The following BOD1L2 variants were observed in gnomAD, a reference collection of about 807,000 sequenced individuals.
BOD1L2 encodes the protein biorientation of chromosomes in cell division protein 1-like 2.
BOD1L2 carries 6 observed loss-of-function variants against 5.3 expected under a neutral mutation model. The ratio of observed to expected loss-of-function variants is 1.14; its 90% confidence interval spans 0.62 to 2.25. The LOEUF is 2.25. Among genes scored for constraint, BOD1L2 ranks in the 30% most tolerant of loss-of-function variants. The probability of loss-of-function intolerance (pLI) is 0.00; values close to 1 mark genes in which losing one functional copy is unlikely to be tolerated. For synonymous variants in BOD1L2, 96 were observed against 96.3 expected, an observed-to-expected ratio of 1.00 and a Z score of 0.02; for missense variants, 210 against 227.2, an observed-to-expected ratio of 0.92 and a Z score of 0.49.
chr18:57,148,378 C>A lies in BOD1L2; in HGVS notation c.*547C>A, dbSNP rs2048938647. The A allele has an allele frequency of 6.5e-6, 1 of 153,024 alleles. No individual in the cohort carries two copies. 9.5% of individuals were successfully genotyped at this position (153,024 alleles called of 1,614,324 possible). A position where few individuals can be genotyped will look rare whatever the true frequency, so the allele number is the denominator to read the frequency against. Reference sequence around the variant, plus strand: ...TGTGACCTTCTTGTACATGAATCTTCTAGCCAGTTTCCTTTCCTTTGTAAG... The same window carrying A: ...TGTGACCTTCTTGTACATGAATCTTATAGCCAGTTTCCTTTCCTTTGTAAG... On this transcript the variant is annotated 3_prime_UTR_variant, in exon 1 of 1. Transcript: ENST00000585477.
In BOD1L2 at chr18:57,150,246, G is replaced by A. The variant is rs2048947773; in HGVS notation, c.*2415G>A. 6.6e-6 allele frequency: 1 copy of A among 152,164 alleles called. No homozygotes were observed. The highest frequency in any genetic ancestry group is 2.4e-5 in the African/African-American group (1 of 41,412). 9.4% of individuals were successfully genotyped at this position (152,164 alleles called of 1,614,324 possible). ...GCAAATGGAAAATGCTAACCTATGCGATGGACACTGCTGTATTCTGAAAAT... is the reference window on the plus strand; with the variant it reads ...GCAAATGGAAAATGCTAACCTATGCAATGGACACTGCTGTATTCTGAAAAT... On this transcript the variant is annotated 3_prime_UTR_variant, in exon 1 of 1. Coordinates refer to ENST00000585477, the MANE Select transcript of BOD1L2 (RefSeq NM_001257964.2).
chr18:57,147,716 A>T lies in BOD1L2; in HGVS notation c.404A>T (p.Gln135Leu). ...AAACTAAACCACATCTTCAGGCCAC[A>T]AATAGAACAAATAATTCATGAATTC... Reference protein sequence around the residue: ...DPKLNHIFRPQIEQIIHEFLV... With the variant: ...DPKLNHIFRPLIEQIIHEFLV... The change falls in exon 1 of 1, where the codon CAA becomes CTA. Residue 135 changes from glutamine to leucine, a missense_variant. Physicochemically the swap from Gln to Leu is moderately radical, Grantham distance 113. Transcript: ENST00000585477. 1 of 1,613,876 alleles carries T rather than the reference A, an allele frequency of 6.2e-7. No individual in the cohort carries two copies. The highest frequency in any genetic ancestry group is 8.5e-7 in the Non-Finnish European group (1 of 1,180,022).
Position 57,147,762 on chromosome 18 carries a change from A to C in BOD1L2, c.450A>C (p.Ala150=). 1 of 1,613,902 alleles carries C rather than the reference A, an allele frequency of 6.2e-7. No individual in the cohort carries two copies. Among genetic ancestry groups the C allele is most frequent in the Non-Finnish European group, 8.5e-7 (1 of 1,180,026 alleles). The part of the protein sequence containing the change: ...IHEFLVAQKE[A]AVPALPPEPE... ...AATTCCTGGTGGCCCAGAAAGAAGC[A>C]GCTGTGCCAGCACTCCCTCCAGAGC... is the stretch of plus-strand genomic sequence containing the variant. Residue 150 remains alanine (A), a synonymous_variant, in exon 1 of 1, where the codon GCA becomes GCC. Transcript: ENST00000585477.
In BOD1L2 at chr18:57,147,820, G is replaced by A. The variant is rs79824485; in HGVS notation, c.508G>A (p.Asp170Asn). The change falls in exon 1 of 1, where the codon GAC becomes AAC. Residue 170 changes from aspartate to asparagine, a missense_variant. Coordinates refer to ENST00000585477, the MANE Select transcript of BOD1L2 (RefSeq NM_001257964.2). ...EGQDPPAPSQ[D>N]TS ...CCAGGACCCTCCAGCTCCGTCTCAG[G>A]ACACTTCCTAAGAATATGCCTGACA... 528 of 1,608,056 alleles carry A rather than the reference G, an allele frequency of 3.3e-4. 1 individual carries two copies. The African/African-American group carries it at 5.7e-3, about 17-fold the overall frequency.
chr18:57,147,701 A>C lies in BOD1L2; in HGVS notation c.389A>C (p.His130Pro). The C allele has an allele frequency of 6.2e-7, 1 of 1,613,800 alleles. No individual in the cohort carries two copies. Among genetic ancestry groups the C allele is most frequent in the Non-Finnish European group, 8.5e-7 (1 of 1,180,028 alleles). The change falls in exon 1 of 1, where the codon CAC becomes CCC. Residue 130 changes from histidine to proline, a missense_variant. Transcript: ENST00000585477. ...CAGGTGGTGGATCCAAAACTAAACCACATCTTCAGGCCACAAATAGAACAA... is the reference window on the plus strand; with the variant it reads ...CAGGTGGTGGATCCAAAACTAAACCCCATCTTCAGGCCACAAATAGAACAA... ...SSQVVDPKLN[H>P]IFRPQIEQII...
rs2048946543 is a variant in BOD1L2, at chr18:57,149,927, T to G, written c.*2096T>G. On this transcript the variant is annotated 3_prime_UTR_variant, in exon 1 of 1. Coordinates refer to ENST00000585477, the MANE Select transcript of BOD1L2 (RefSeq NM_001257964.2). ...TCTTTTTAAAAATAACGTAATAAAG[T>G]GTAATACAACTTTTAAAGTTTTTTT... 2 of 152,050 alleles carry G rather than the reference T, an allele frequency of 1.3e-5. No homozygotes were observed. The highest frequency in any genetic ancestry group is 4.8e-5 in the African/African-American group (2 of 41,356). 9.4% of individuals were successfully genotyped at this position (152,050 alleles called of 1,614,324 possible). A position where few individuals can be genotyped will look rare whatever the true frequency, so the allele number is the denominator to read the frequency against.
chr18:57,148,030 G>A lies in BOD1L2; in HGVS notation c.*199G>A, dbSNP rs2048936056. ...AGAAAGTTGACCGTGGCACCCTCCT[G>A]CATTGCGCTGCCATTTGGCCAGCCT... On this transcript the variant is annotated 3_prime_UTR_variant, in exon 1 of 1. Coordinates refer to ENST00000585477, the MANE Select transcript of BOD1L2 (RefSeq NM_001257964.2). 7.0e-6 allele frequency: 4 copies of A among 571,092 alleles called. No individual in the cohort carries two copies. The highest frequency in any genetic ancestry group is 1.2e-5 in the Non-Finnish European group (4 of 333,762). The allele number at this position is 571,092 out of a possible 1,614,324, so 35.4% of individuals were successfully genotyped here.
In BOD1L2 at chr18:57,147,460, G is replaced by T; in HGVS notation, c.148G>T (p.Gly50Cys). 6.4e-7 allele frequency: 1 copy of T among 1,554,870 alleles called. No homozygotes were observed. Reference sequence around the variant, plus strand: ...CATCGTGGGGCAGCTCAAGAGCAGGGGCCTTTTTGACAGCTTCCGCCGGGA... The same window carrying T: ...CATCGTGGGGCAGCTCAAGAGCAGGTGCCTTTTTGACAGCTTCCGCCGGGA... ...AIIVGQLKSR[G>C]LFDSFRRDCK... Residue 50 changes from glycine (G) to cysteine (C), a missense_variant, in exon 1 of 1, where the codon GGC (glycine) becomes TGC (cysteine). Transcript: ENST00000585477.
At position 57,147,628 on chromosome 18, in the gene BOD1L2, G is replaced by T; in HGVS notation, c.316G>T (p.Val106Leu). Residue 106 changes from valine to leucine, a missense_variant, in exon 1 of 1, where the codon GTG becomes TTG. Coordinates refer to ENST00000585477, the MANE Select transcript of BOD1L2 (RefSeq NM_001257964.2). ...NQLHDGLRQSVVQSGRSEAGV... is the reference protein window; with the variant it reads ...NQLHDGLRQSLVQSGRSEAGV... ...ACTGCACGATGGTCTGAGGCAGAGT[G>T]TGGTTCAGTCAGGGAGGTCAGAAGC... The T allele has an allele frequency of 6.2e-7, 1 of 1,613,322 alleles. No homozygotes were observed. Among genetic ancestry groups the T allele is most frequent in the Non-Finnish European group, 8.5e-7 (1 of 1,180,046 alleles).
In BOD1L2 at chr18:57,147,847, C is replaced by G. The variant is rs748713211; in HGVS notation, c.*16C>G. The G allele has an allele frequency of 1.4e-5, 22 of 1,570,824 alleles. No homozygotes were observed. The Admixed American group carries it at 3.8e-4, about 27-fold the overall frequency. ...CACTTCCTAAGAATATGCCTGACAG[C>G]TTTTGAAAGCGCTATTTAATTTTTG... is the stretch of plus-strand genomic sequence containing the variant. On this transcript the variant is annotated 3_prime_UTR_variant, in exon 1 of 1. Coordinates refer to ENST00000585477, the MANE Select transcript of BOD1L2 (RefSeq NM_001257964.2).
Position 57,147,714 on chromosome 18 carries a change from A to G in BOD1L2, c.402A>G (p.Pro134=), listed in dbSNP as rs750684677. ...CAAAACTAAACCACATCTTCAGGCC[A>G]CAAATAGAACAAATAATTCATGAAT... is the stretch of plus-strand genomic sequence containing the variant. The part of the protein sequence containing the change: ...VDPKLNHIFR[P]QIEQIIHEFL... Residue 134 remains proline (P), a synonymous_variant, in exon 1 of 1, where the codon CCA becomes CCG. Transcript: ENST00000585477. 3 of 1,613,738 alleles carry G rather than the reference A, an allele frequency of 1.9e-6. No individual in the cohort carries two copies. In the African/African-American group the frequency reaches 4.0e-5, roughly 22 times the overall value.
In BOD1L2 at chr18:57,147,407, C is replaced by A. The variant is rs911517584; in HGVS notation, c.95C>A (p.Pro32His). The A allele has an allele frequency of 3.3e-6, 5 of 1,537,994 alleles. No homozygotes were observed. In the African/African-American group the frequency reaches 4.1e-5, roughly 13 times the overall value. ...GGCCCCATCAACCCGGCCTCGTTGC[C>A]CCCTGGCGACCCTCAGCTCATCGCT... ...GGGPINPASLPPGDPQLIAII... is the reference protein window; with the variant it reads ...GGGPINPASLHPGDPQLIAII... Residue 32 changes from proline (P) to histidine (H), a missense_variant, in exon 1 of 1, where the codon CCC becomes CAC. By Grantham distance (77) the Pro-to-His change is moderately conservative. Transcript: ENST00000585477.
In BOD1L2 at chr18:57,149,113, A is replaced by C. The variant is rs1194859874; in HGVS notation, c.*1282A>C. 3 of 152,250 alleles carry C rather than the reference A, an allele frequency of 2.0e-5. No homozygotes were observed. Among genetic ancestry groups the C allele is most frequent in the African/African-American group, 7.2e-5 (3 of 41,466 alleles). The allele number at this position is 152,250 out of a possible 1,614,324, so 9.4% of individuals were successfully genotyped here. ...TATAAATGTAGAAACCAAAGCTCAG[A>C]CACTGCCTAAGTGGTGGGGCTGGGG... On this transcript the variant is annotated 3_prime_UTR_variant, in exon 1 of 1. Transcript: ENST00000585477.
At position 57,147,991 on chromosome 18, in the gene BOD1L2, C is replaced by A; in HGVS notation, c.*160C>A. The A allele has an allele frequency of 1.2e-6, 1 of 844,976 alleles. No homozygotes were observed. The highest frequency in any genetic ancestry group is 1.8e-6 in the Non-Finnish European group (1 of 567,362). The allele number at this position is 844,976 out of a possible 1,614,324, so 52.3% of individuals were successfully genotyped here. A position where few individuals can be genotyped will look rare whatever the true frequency, so the allele number is the denominator to read the frequency against. On this transcript the variant is annotated 3_prime_UTR_variant, in exon 1 of 1. Transcript: ENST00000585477. The stretch of plus-strand genomic sequence containing the variant: ...AGCAGTGACCAGATTGAAAGGGAAG[C>A]AAGTTCGCCAGAGAGAAAGTTGACC...
chr18:57,147,927 A>C lies in BOD1L2; in HGVS notation c.*96A>C. ...TGCAGTTTCAGATTGAAGATAAGCC[A>C]AGTTCATCACTGAGCTCAAGATTTC... On this transcript the variant is annotated 3_prime_UTR_variant, in exon 1 of 1. Coordinates refer to ENST00000585477, the MANE Select transcript of BOD1L2 (RefSeq NM_001257964.2). 7.7e-7 allele frequency: 1 copy of C among 1,292,078 alleles called. No individual in the cohort carries two copies. Among genetic ancestry groups the C allele is most frequent in the African/African-American group, 1.5e-5 (1 of 66,886 alleles). 80.0% of individuals were successfully genotyped at this position (1,292,078 alleles called of 1,614,324 possible).
rs1211145588 is a variant in BOD1L2, at chr18:57,147,655, G to A, written c.343G>A (p.Gly115Arg). ...GGTTCAGTCAGGGAGGTCAGAAGCT[G>A]GAGTGGACAGGATTAGTTCTCAGGT... is the stretch of plus-strand genomic sequence containing the variant. ...SVVQSGRSEA[G>R]VDRISSQVVD... Residue 115 changes from glycine (G) to arginine (R), a missense_variant, in exon 1 of 1, where the codon GGA (glycine) becomes AGA (arginine). Physicochemically the swap from Gly to Arg is moderately radical, Grantham distance 125. Transcript: ENST00000585477. 6.2e-7 allele frequency: 1 copy of A among 1,613,454 alleles called. No individual in the cohort carries two copies. Among genetic ancestry groups the A allele is most frequent in the South Asian group, 1.1e-5 (1 of 91,082 alleles).
chr18:57,147,117 C>T lies in BOD1L2; in HGVS notation c.-196C>T. On this transcript the variant is annotated 5_prime_UTR_variant, in exon 1 of 1. Coordinates refer to ENST00000585477, the MANE Select transcript of BOD1L2 (RefSeq NM_001257964.2). ...GTTGCTGCCGCGTCTTCCACAACCT[C>T]CGCGGTCTGGAGCTGGCCTCCCCCA... The T allele has an allele frequency of 1.3e-6, 1 of 744,854 alleles. No individual in the cohort carries two copies. Among genetic ancestry groups the T allele is most frequent in the Non-Finnish European group, 1.7e-6 (1 of 590,700 alleles). 46.1% of individuals were successfully genotyped at this position (744,854 alleles called of 1,614,324 possible).
rs1351248692 is a variant in BOD1L2, at chr18:57,147,373, G to T, written c.61G>T (p.Gly21Trp). Residue 21 changes from glycine to tryptophan, a missense_variant, in exon 1 of 1, where the codon GGG becomes TGG. By Grantham distance (184) the Gly-to-Trp change is radical. Coordinates refer to ENST00000585477, the MANE Select transcript of BOD1L2 (RefSeq NM_001257964.2). ...GAGPASTRAS[G>W]GGGPINPASL... is the part of the protein sequence containing the mutation. Reference sequence around the variant, plus strand: ...GGGCCCGGCCTCGACCCGGGCCAGCGGGGGCGGCGGCCCCATCAACCCGGC... The same window carrying T: ...GGGCCCGGCCTCGACCCGGGCCAGCTGGGGCGGCGGCCCCATCAACCCGGC... 15 of 1,514,470 alleles carry T rather than the reference G, an allele frequency of 9.9e-6. No individual in the cohort carries two copies. Among genetic ancestry groups the T allele is most frequent in the African/African-American group, 1.4e-5 (1 of 72,308 alleles). 93.8% of individuals were successfully genotyped at this position (1,514,470 alleles called of 1,614,324 possible).
In BOD1L2 at chr18:57,149,775, T is replaced by G. The variant is rs1171144053; in HGVS notation, c.*1944T>G. 1 of 152,244 alleles carries G rather than the reference T, an allele frequency of 6.6e-6. No individual in the cohort carries two copies. Among genetic ancestry groups the G allele is most frequent in the Non-Finnish European group, 1.5e-5 (1 of 68,048 alleles). 9.4% of individuals were successfully genotyped at this position (152,244 alleles called of 1,614,324 possible). ...AAAACAGCTAAGCTCTTTCTGAGAT[T>G]TAAAATCACTCCATCTGAGACCCCA... On this transcript the variant is annotated 3_prime_UTR_variant, in exon 1 of 1. Transcript: ENST00000585477.
Sources: gnomAD v4.1 joint callset for allele counts on GRCh38, gnomAD v4.1.1 for gene constraint, MANE v1.5 for transcripts, NCBI Gene and HGNC (gene_info 2026-07-23, HGNC 2026-07-21) for gene names.